Variants in HS6ST3 observed in about 807,000 individuals in gnomAD.
HS6ST3 encodes the protein heparan-sulfate 6-O-sulfotransferase 3.
A neutral mutation model predicts 36.7 loss-of-function variants in HS6ST3; 12 were observed. The ratio of observed to expected loss-of-function variants is 0.33; its 90% CI spans 0.21 to 0.53. HS6ST3 has a LOEUF of 0.53. Ranked by LOEUF, HS6ST3 falls within the 20% of genes least tolerant of loss-of-function variation. The probability of loss-of-function intolerance (pLI) is 0.95; values close to 1 mark genes in which losing one functional copy is unlikely to be tolerated. For missense variants in HS6ST3, 584 were observed against 640.9 expected (o/e 0.91, Z 0.96); for synonymous variants, 240 against 257.5 (o/e 0.93, Z 0.65).
chr13:96,386,327 C>G (rs1270210519), intron 1 of HS6ST3, among the ~76,000 whole-genome samples: 2 of 152,060 alleles, frequency 1.3e-5, no homozygotes, highest in Non-Finnish European at 2.9e-5. Flanking sequence ...AGAATGGAGA[C>G]TCCATTCTGC....
intron 1 of HS6ST3, among the ~76,000 whole-genome samples, chr13:96,483,738 T>A (rs1447833639): frequency 1.3e-5 from 2 of 152,184 alleles, no homozygotes; most frequent in African/African-American, 2.4e-5. Flanking sequence ...GGTTATGAAT[T>A]ATCATACCCT....
chr13:96,723,356 C>T (rs1258544583), intron 1 of HS6ST3, among the ~76,000 whole-genome samples: 2 of 152,124 alleles, frequency 1.3e-5, no homozygotes, highest in African/African-American at 4.8e-5. Context: ...TGAAGAACCT[C>T]GCCCTACGCA....
intron 1 of HS6ST3, among the ~76,000 whole-genome samples, chr13:96,724,573 T>G (rs1409924199): frequency 2.0e-5 from 3 of 152,216 alleles, no homozygotes; most frequent in Non-Finnish European, 4.4e-5. Context: ...TTTCTGTGAC[T>G]ATAGATTAGT....
At position 96,529,826 on chromosome 13, in the gene HS6ST3, A is replaced by T. The variant is rs569313582; in HGVS notation, c.708-302664A>T. Among the ~76,000 whole-genome samples the T allele has an allele frequency of 1.2e-4, 18 of 152,306 alleles. No homozygotes were observed. In the South Asian group the frequency reaches 3.3e-3, roughly 28 times the overall value. On this transcript the variant is annotated intron_variant, in intron 1 of 1. Transcript: ENST00000376705. ...CATAAATTTAGATAGGATCACCCTT[A>T]TCTTTTATTATACAAGAGCAAACTG...
chr13:96,367,249 A>G (rs1479953524), intron 1 of HS6ST3, among the ~76,000 whole-genome samples: 1 of 152,210 alleles, frequency 6.6e-6, no homozygotes, highest in Non-Finnish European at 1.5e-5. Flanking sequence ...TTAATTCTTT[A>G]TGGTAAAACT....
chr13:96,416,333 A>C (rs1000102786), intron 1 of HS6ST3, among the ~76,000 whole-genome samples: 1 of 152,194 alleles, frequency 6.6e-6, no homozygotes, highest in East Asian at 1.9e-4. Context: ...TTTCATTTTA[A>C]GTGTCTTAAT....
intron 1 of HS6ST3, among the ~76,000 whole-genome samples, chr13:96,233,610 G>A (rs972864651): frequency 2.6e-5 from 4 of 152,264 alleles, no homozygotes; most frequent in East Asian, 1.9e-4. Flanking sequence ...GAGGAAGACC[G>A]AAAACACAGA....
chr13:96,772,717 T>C (rs563898722), intron 1 of HS6ST3, among the ~76,000 whole-genome samples: 1 of 152,326 alleles, frequency 6.6e-6, no homozygotes, highest in East Asian at 1.9e-4. Flanking sequence ...ATAATAAGCC[T>C]TCAATAAGAA....
intron 1 of HS6ST3, among the ~76,000 whole-genome samples, chr13:96,155,106 A>G (rs2054104211): frequency 6.6e-6 from 1 of 152,174 alleles, no homozygotes; most frequent in Non-Finnish European, 1.5e-5. Flanking sequence ...GTATTACAAT[A>G]CATGTAAGAC....
intron 1 of HS6ST3, among the ~76,000 whole-genome samples, chr13:96,646,880 A>G (rs1193794946): frequency 6.6e-6 from 1 of 151,930 alleles, no homozygotes; most frequent in Non-Finnish European, 1.5e-5. Flanking sequence ...TTCAAGTCAC[A>G]ATTTCAATGT....
chr13:96,631,129 A>C (rs746425393), intron 1 of HS6ST3, among the ~76,000 whole-genome samples: 3 of 152,154 alleles, frequency 2.0e-5, no homozygotes, highest in Non-Finnish European at 4.4e-5. Flanking sequence ...ACAGTAGTCA[A>C]ATGAGCTGAA....
intron 1 of HS6ST3, among the ~76,000 whole-genome samples, chr13:96,765,293 C>G (rs1347351938): frequency 6.6e-6 from 1 of 151,974 alleles, no homozygotes; most frequent in East Asian, 1.9e-4. Context: ...AGGGTGGTCT[C>G]GATCTCCTGA....
chr13:96,144,038 T>C (rs1018120123), intron 1 of HS6ST3, among the ~76,000 whole-genome samples: 2 of 152,206 alleles, frequency 1.3e-5, no homozygotes, highest in Admixed American at 6.5e-5. Context: ...GGCAGCATGA[T>C]ACAGTGAAAA....
At chr13:96,105,526 C>G (rs965476434) in intron 1 of HS6ST3, among the ~76,000 whole-genome samples, 2 of 152,004 alleles carry the variant, frequency 1.3e-5, no homozygotes, top group Non-Finnish European at 2.9e-5. Flanking sequence ...TGGTGGGTGC[C>G]TGTAGTCCCA....
chr13:96,749,311 A>G (rs1429974523), intron 1 of HS6ST3, among the ~76,000 whole-genome samples: 1 of 152,176 alleles, frequency 6.6e-6, no homozygotes, highest in Non-Finnish European at 1.5e-5. Context: ...AAAGCATAAT[A>G]TGTACCATCT....
chr13:96,091,062 G>T lies in HS6ST3; in HGVS notation c.200G>T (p.Arg67Leu). The T allele has an allele frequency of 8.7e-6, 11 of 1,269,804 alleles. No homozygotes were observed. Among genetic ancestry groups the T allele is most frequent in the Non-Finnish European group, 9.9e-6 (10 of 1,010,860 alleles). 78.7% of individuals were successfully genotyped at this position (1,269,804 alleles called of 1,614,324 possible). A position where few individuals can be genotyped will look rare whatever the true frequency, so the allele number is the denominator to read the frequency against. The change falls in exon 1 of 2, where the codon CGG becomes CTG. Residue 67 changes from arginine to leucine, a missense_variant. Physicochemically the swap from Arg to Leu is moderately radical, Grantham distance 102 (BLOSUM62 -2). Coordinates refer to ENST00000376705, the MANE Select transcript of HS6ST3 (RefSeq NM_153456.4). ...CAGGCGCCGCCGGAGGAGTGGGAGC[G>T]GCGGCCCCAGTTGCCCCCGCCGCCC... ...RAQAPPEEWE[R>L]RPQLPPPPRG... is the part of the protein sequence containing the mutation.
At chr13:96,467,221 T>C (rs1194667552) in intron 1 of HS6ST3, among the ~76,000 whole-genome samples, 2 of 152,158 alleles carry the variant, frequency 1.3e-5, no homozygotes, top group Non-Finnish European at 2.9e-5. Context: ...CAACTCTTCA[T>C]GTGTTCTATT....
intron 1 of HS6ST3, among the ~76,000 whole-genome samples, chr13:96,749,240 G>T (rs1876638543): frequency 6.6e-6 from 1 of 151,792 alleles, no homozygotes; most frequent in African/African-American, 2.4e-5. Flanking sequence ...AGAATACTTT[G>T]TGCCTAATAA....
intron 1 of HS6ST3, among the ~76,000 whole-genome samples, chr13:96,183,388 G>C (rs560237698): frequency 6.6e-6 from 1 of 152,298 alleles, no homozygotes; most frequent in Admixed American, 6.5e-5. Context: ...ATTTTGTTCA[G>C]TGTGCCTTAG....
Sources: allele counts gnomAD v4.1 joint callset (sites outside exome capture counted in the v4.1 genomes callset), GRCh38; gene constraint gnomAD v4.1.1; transcripts MANE v1.5; gene names NCBI Gene and HGNC (gene_info 2026-07-23, HGNC 2026-07-21).